UGT1A7: variants seen among roughly 807,000 people sequenced by gnomAD.
UGT1A7 encodes UDP-glucuronosyltransferase 1A7.
A neutral mutation model predicts 45.6 loss-of-function variants in UGT1A7; 33 were observed. That is an observed-to-expected ratio of 0.72 (90% CI 0.55 to 0.97). The LOEUF (loss-of-function observed/expected upper bound fraction) is 0.97. Ranked by LOEUF, UGT1A7 falls within the 50% of genes least tolerant of loss-of-function variation. The probability of loss-of-function intolerance (pLI) is 0.00; values close to 1 mark genes in which losing one functional copy is unlikely to be tolerated. For synonymous variants in UGT1A7, 274 were observed against 250.6 expected (o/e 1.09, Z -0.88); for missense variants, 684 against 666.2 (o/e 1.03, Z -0.29).
At chr2:233,768,984 TC>T (rs551747473) in intron 4 of UGT1A7, among the ~76,000 whole-genome samples, 141 of 152,252 alleles carry the variant, frequency 9.3e-4, no homozygotes, top group African/African-American at 3.3e-3. Context: ...GAATTTTATT[TC>T]CCCCATTAGA....
intron 1 of UGT1A7, among the ~76,000 whole-genome samples, chr2:233,716,634 C>T (rs1575513660): frequency 6.6e-6 from 1 of 152,096 alleles, no homozygotes; most frequent in Non-Finnish European, 1.5e-5. Context: ...AAGTTTTTAT[C>T]GTTTGTACTT....
At chr2:233,726,040 C>A (rs906060755) in intron 1 of UGT1A7, among the ~76,000 whole-genome samples, 3 of 152,112 alleles carry the variant, frequency 2.0e-5, no homozygotes, top group Non-Finnish European at 4.4e-5. Flanking sequence ...ATGGCGCACA[C>A]CTGTGGTCCC....
intron 1 of UGT1A7, among the ~76,000 whole-genome samples, chr2:233,704,447 T>C (rs2075789170): frequency 6.6e-6 from 1 of 152,328 alleles, no homozygotes; most frequent in African/African-American, 2.4e-5. Context: ...TGAAATGTCA[T>C]TCCTATATAG....
intron 1 of UGT1A7, chr2:233,743,204 C>A (rs187896113): frequency 1.0e-4 from 39 of 388,848 alleles, no homozygotes; most frequent in Non-Finnish European, 1.8e-4. Flanking sequence ...GGTGTCAATG[C>A]GGAGTAACTG....
chr2:233,748,172 T>C, intron 1 of UGT1A7: 1 of 1,584,752 alleles, frequency 6.3e-7, no homozygotes, highest in East Asian at 2.2e-5. Flanking sequence ...TCTACTTATC[T>C]TTCTGGTGCT....
intron 1 of UGT1A7, chr2:233,719,275 A>T: frequency 6.2e-7 from 1 of 1,613,870 alleles, no homozygotes; most frequent in South Asian, 1.1e-5. Flanking sequence ...GTTTTAACAG[A>T]CCCCGTTAAC....
chr2:233,730,746 G>A (rs1030553021), intron 1 of UGT1A7, among the ~76,000 whole-genome samples: 3 of 152,110 alleles, frequency 2.0e-5, no homozygotes, highest in Non-Finnish European at 2.9e-5. Context: ...GGCTAGGGAG[G>A]AGATAAGACT....
intron 1 of UGT1A7, among the ~76,000 whole-genome samples, chr2:233,750,410 G>A (rs1353067232): frequency 6.6e-6 from 1 of 151,900 alleles, no homozygotes; most frequent in African/African-American, 2.4e-5. Flanking sequence ...CTGACCATGT[G>A]GTAGAAAAGA....
At position 233,682,455 on chromosome 2, in the gene UGT1A7, T is replaced by G. The variant is rs769051709; in HGVS notation, c.518T>G (p.Phe173Cys). 4 of 1,613,818 alleles carry G rather than the reference T, an allele frequency of 2.5e-6. No homozygotes were observed. The highest frequency in any genetic ancestry group is 1.3e-5 in the African/African-American group (1 of 74,892). ...LPSVVFARGI[F>C]CHYLEEGAQC... is the part of the protein sequence containing the mutation. ...TCTGTGGTCTTCGCCAGGGGAATAT[T>G]TTGCCACTATCTTGAAGAAGGTGCA... The change falls in exon 1 of 5, where the codon TTT (phenylalanine) becomes TGT (cysteine). Residue 173 changes from phenylalanine to cysteine, a missense_variant. By Grantham distance (205) the Phe-to-Cys change is radical. Transcript: ENST00000373426.
Position 233,772,266 on chromosome 2 carries a change from AAGG to A in UGT1A7, c.1303_1305del (p.Glu435del). ...CGAAACTGTCTTTGTGTTTAGTTAC[AAGG>A]AGAACATCATGCGCCTCTCCAGCCT... is the stretch of plus-strand genomic sequence containing the variant. On this transcript the variant is annotated inframe_deletion, in exon 5 of 5. Coordinates refer to ENST00000373426, the MANE Select transcript of UGT1A7 (RefSeq NM_019077.3). 1 of 1,614,262 alleles carries A rather than the reference AAGG, an allele frequency of 6.2e-7. No homozygotes were observed. The highest frequency in any genetic ancestry group is 8.5e-7 in the Non-Finnish European group (1 of 1,180,048).
At chr2:233,719,370 G>A (rs1322563155) in intron 1 of UGT1A7, 5 of 1,613,830 alleles carry the variant, frequency 3.1e-6, no homozygotes, top group Non-Finnish European at 3.4e-6. Flanking sequence ...AGACTTTAAG[G>A]GCACACAGTG....
chr2:233,716,488 C>A (rs371843932), intron 1 of UGT1A7, among the ~76,000 whole-genome samples: 1 of 152,184 alleles, frequency 6.6e-6, no homozygotes, highest in Non-Finnish European at 1.5e-5. Context: ...CCGTAGTCTT[C>A]TATTCTCCAG....
At chr2:233,693,730 T>C (rs1275166872) in intron 1 of UGT1A7, 1 of 1,614,242 alleles carries the variant, frequency 6.2e-7, no homozygotes, top group Admixed American at 1.7e-5. Flanking sequence ...GAGATGTGGA[T>C]ATAATCACCT....
At chr2:233,744,417 G>C (rs1328403713) in intron 1 of UGT1A7, among the ~76,000 whole-genome samples, 1 of 151,850 alleles carries the variant, frequency 6.6e-6, no homozygotes, top group Non-Finnish European at 1.5e-5. Flanking sequence ...TTTTGTTCAT[G>C]TGGATTATAT....
intron 1 of UGT1A7, among the ~76,000 whole-genome samples, chr2:233,765,022 G>A (rs976641951): frequency 6.6e-6 from 1 of 152,124 alleles, no homozygotes; most frequent in Non-Finnish European, 1.5e-5. Context: ...GGCTTGGCAG[G>A]AGTCCTGCTG....
chr2:233,747,087 G>A, intron 1 of UGT1A7: 5 of 1,192,212 alleles, frequency 4.2e-6, no homozygotes, highest in Non-Finnish European at 5.8e-6. Flanking sequence ...TAGGAGGAGA[G>A]CACTCTATCT....
intron 1 of UGT1A7, chr2:233,747,628 G>A (rs767343717): frequency 1.6e-4 from 253 of 1,579,014 alleles, no homozygotes; most frequent in Non-Finnish European, 2.0e-4. Flanking sequence ...GCCCTGATCA[G>A]GCACCTGAAT....
Position 233,767,941 on chromosome 2 carries a change from G to A in UGT1A7, c.1075+5G>A. The A allele has an allele frequency of 1.2e-6, 2 of 1,614,200 alleles. No homozygotes were observed. Among genetic ancestry groups the A allele is most frequent in the South Asian group, 1.1e-5 (1 of 91,084 alleles). On this transcript the variant is annotated splice_donor_5th_base_variant and intron_variant, in intron 3 of 4. Coordinates refer to ENST00000373426, the MANE Select transcript of UGT1A7 (RefSeq NM_019077.3). ...TACCCCAAAACGATCTGCTTGGTAT[G>A]TTGGGCGGATTGGATGTATAGGTCA...
At chr2:233,746,544 A>G (rs1423478366) in intron 1 of UGT1A7, among the ~76,000 whole-genome samples, 1 of 151,624 alleles carries the variant, frequency 6.6e-6, no homozygotes, top group East Asian at 1.9e-4. Flanking sequence ...CTGCTGTGTG[A>G]CTTCTTAGCC....
Sources: gnomAD v4.1 joint callset for allele counts (sites outside exome capture counted in the v4.1 genomes callset) on GRCh38, gnomAD v4.1.1 for gene constraint, MANE v1.5 for transcripts, NCBI Gene and HGNC (gene_info 2026-07-23, HGNC 2026-07-21) for gene names.